Variants in PALLD observed in about 807,000 individuals in gnomAD.
PALLD encodes palladin, cytoskeletal associated protein.
Under a neutral mutation model 123.5 loss-of-function variants are expected in PALLD, and 61 were observed. The observed-to-expected ratio is 0.49, with a 90% CI of 0.40 to 0.61. The LOEUF is 0.61. PALLD is among the 20% of genes least tolerant of loss of function. The pLI is 0.00. For missense variants in PALLD, 1,273 were observed against 1,377.0 expected, an observed-to-expected ratio of 0.92 and a Z score of 1.20; for synonymous variants, 465 against 496.4, an observed-to-expected ratio of 0.94 and a Z score of 0.84.
At chr4:168,680,338 A>G (rs1781421076) in intron 3 of PALLD, among the ~76,000 whole-genome samples, 3 of 151,672 alleles carry the variant, frequency 2.0e-5, no homozygotes, top group Admixed American at 2.0e-4. Flanking sequence ...AAATACAAAA[A>G]TTAGCAGGGC....
intron 2 of PALLD, among the ~76,000 whole-genome samples, chr4:168,525,171 A>T (rs1763925175): frequency 1.3e-5 from 2 of 152,186 alleles, no homozygotes; most frequent in African/African-American, 4.8e-5. Flanking sequence ...AAAATCGAGG[A>T]AGAAAGGGCC....
intron 10 of PALLD, among the ~76,000 whole-genome samples, chr4:168,781,718 A>G (rs541692016): frequency 1.2e-3 from 186 of 152,274 alleles, no homozygotes; most frequent in Non-Finnish European, 2.2e-3. Flanking sequence ...GTAGGATACC[A>G]GGAGAGGAAT....
At chr4:168,579,143 A>G (rs1295352345) in intron 2 of PALLD, among the ~76,000 whole-genome samples, 4 of 152,178 alleles carry the variant, frequency 2.6e-5, no homozygotes, top group Non-Finnish European at 5.9e-5. Flanking sequence ...AGAAAGTCCT[A>G]GTAAATCTCC....
intron 1 of PALLD, among the ~76,000 whole-genome samples, chr4:168,500,097 C>T (rs1024657334): frequency 6.6e-6 from 1 of 152,108 alleles, no homozygotes; most frequent in Non-Finnish European, 1.5e-5. Context: ...GTGGGTAATA[C>T]AAACAATAAA....
chr4:168,541,555 A>C (rs1389385976), intron 2 of PALLD, among the ~76,000 whole-genome samples: 2 of 151,880 alleles, frequency 1.3e-5, no homozygotes, highest in East Asian at 3.9e-4. Flanking sequence ...GGTTCAAGCG[A>C]TTCTCCTGCC....
At position 168,511,591 on chromosome 4, in the gene PALLD, C is replaced by T. The variant is rs1279884945; in HGVS notation, c.87C>T (p.Gly29=). 1.2e-6 allele frequency: 2 copies of T among 1,614,022 alleles called. No individual in the cohort carries two copies. Among genetic ancestry groups the T allele is most frequent in the Admixed American group, 1.7e-5 (1 of 60,024 alleles). ...EESKNTDFFP[G]LSAFLSQEEI... is the part of the protein sequence containing the mutation. ...GCAAGAATACTGACTTCTTCCCGGG[C>T]CTTTCTGCTTTCCTCAGCCAGGAAG... The change falls in exon 2 of 22, where the codon GGC becomes GGT. Residue 29 remains glycine, a synonymous_variant. Coordinates refer to ENST00000505667, the MANE Select transcript of PALLD (RefSeq NM_001166108.2).
chr4:168,652,772 G>A (rs571852653), intron 2 of PALLD, among the ~76,000 whole-genome samples: 3 of 152,156 alleles, frequency 2.0e-5, no homozygotes, highest in Non-Finnish European at 2.9e-5. Flanking sequence ...TAGTATTTTT[G>A]TGTGTGTGTG....
chr4:168,522,816 T>C (rs1409131299), intron 2 of PALLD, among the ~76,000 whole-genome samples: 2 of 152,214 alleles, frequency 1.3e-5, no homozygotes, highest in Admixed American at 1.3e-4. Flanking sequence ...AGAAATAGCA[T>C]CCTATTGGAT....
chr4:168,726,969 A>G (rs963170601), intron 10 of PALLD, among the ~76,000 whole-genome samples: 28 of 152,338 alleles, frequency 1.8e-4, no homozygotes, highest in African/African-American at 6.5e-4. Context: ...TTGTGAGAAC[A>G]TGCAGTATTT....
chr4:168,670,786 A>C (rs1485460027), intron 3 of PALLD, among the ~76,000 whole-genome samples: 5 of 146,926 alleles, frequency 3.4e-5, no homozygotes, highest in South Asian at 4.3e-4. Flanking sequence ...AAAAAAAAAA[A>C]AACAAAAAAA....
Position 168,641,254 on chromosome 4 carries a change from A to G in PALLD, c.909-26936A>G, listed in dbSNP as rs547325389. On this transcript the variant is annotated intron_variant, in intron 2 of 21. Coordinates refer to ENST00000505667, the MANE Select transcript of PALLD (RefSeq NM_001166108.2). ...GATTCTAGGGCCCTGGCTCTAAGACATACTGATTGCTTAAGTCTGAGTGGA... is the reference window on the plus strand; with the variant it reads ...GATTCTAGGGCCCTGGCTCTAAGACGTACTGATTGCTTAAGTCTGAGTGGA... 7.3e-5 allele frequency among the ~76,000 whole-genome samples: 11 copies of G among 151,550 alleles called. No individual in the cohort carries two copies. The South Asian group carries it at 2.3e-3, about 32-fold the overall frequency.
chr4:168,788,926 G>C (rs1439110534), intron 10 of PALLD, among the ~76,000 whole-genome samples: 1 of 151,886 alleles, frequency 6.6e-6, no homozygotes, highest in African/African-American at 2.4e-5. Flanking sequence ...CAAAAGAATA[G>C]AACCTTGCCA....
intron 2 of PALLD, among the ~76,000 whole-genome samples, chr4:168,565,187 C>T (rs1471122575): frequency 6.6e-6 from 1 of 151,982 alleles, no homozygotes. Flanking sequence ...GGAAAAGAAG[C>T]TTTAGTCTTT....
chr4:168,584,521 A>G (rs1193630067), intron 2 of PALLD, among the ~76,000 whole-genome samples: 1 of 152,204 alleles, frequency 6.6e-6, no homozygotes, highest in African/African-American at 2.4e-5. Flanking sequence ...GTATGTGTTA[A>G]CAATCTTAAT....
intron 10 of PALLD, among the ~76,000 whole-genome samples, chr4:168,758,853 C>T (rs1470725812): frequency 6.6e-6 from 1 of 151,818 alleles, no homozygotes. Context: ...TGGGCTGGGC[C>T]TGTGCAAATG....
chr4:168,781,318 C>A (rs1166168767), intron 10 of PALLD, among the ~76,000 whole-genome samples: 1 of 152,162 alleles, frequency 6.6e-6, no homozygotes, highest in African/African-American at 2.4e-5. Context: ...TCCTTCCCTG[C>A]ATTTTGGCCA....
intron 10 of PALLD, among the ~76,000 whole-genome samples, chr4:168,853,793 G>A (rs1159743264): frequency 6.6e-6 from 1 of 152,178 alleles, no homozygotes; most frequent in Admixed American, 6.5e-5. Flanking sequence ...AAGAGTCACA[G>A]GATTCCATGT....
At chr4:168,748,364 A>G (rs1730589208) in intron 10 of PALLD, among the ~76,000 whole-genome samples, 1 of 152,240 alleles carries the variant, frequency 6.6e-6, no homozygotes, top group South Asian at 2.1e-4. Flanking sequence ...GTTTCTAACC[A>G]CTGGTACAGA....
intron 2 of PALLD, among the ~76,000 whole-genome samples, chr4:168,537,331 C>T (rs1250275737): frequency 6.6e-6 from 1 of 152,172 alleles, no homozygotes; most frequent in East Asian, 1.9e-4. Context: ...TAACTAATAA[C>T]ATACTTTTGG....
Sources: allele counts gnomAD v4.1 joint callset (sites outside exome capture counted in the v4.1 genomes callset), GRCh38; gene constraint gnomAD v4.1.1; transcripts MANE v1.5; gene names NCBI Gene and HGNC (gene_info 2026-07-23, HGNC 2026-07-21).